The following MYO7A variants were observed in gnomAD, a reference collection of about 807,000 sequenced individuals.
MYO7A encodes the protein myosin VIIA.
A neutral mutation model predicts 263.8 loss-of-function variants in MYO7A; 210 were observed. That is an observed-to-expected ratio of 0.80 (90% CI 0.71 to 0.89). The LOEUF (loss-of-function observed/expected upper bound fraction) is 0.89, where lower values mean the gene tolerates loss of function less well. Ranked by LOEUF, MYO7A falls within the 40% of genes least tolerant of loss-of-function variation. The pLI is 0.00. For synonymous variants in MYO7A, 1,239 were observed against 1,197.3 expected, an observed-to-expected ratio of 1.03 and a Z score of -0.72; for missense variants, 2,820 against 2,968.3, an observed-to-expected ratio of 0.95 and a Z score of 1.16.
intron 4 of MYO7A, among the ~76,000 whole-genome samples, chr11:77,151,921 G>A (rs1332868951): frequency 1.3e-5 from 2 of 152,184 alleles, no homozygotes; most frequent in East Asian, 1.9e-4. Flanking sequence ...TGGGGCTCTG[G>A]TGCCAGGGTG....
intron 2 of MYO7A, among the ~76,000 whole-genome samples, chr11:77,132,932 C>T (rs540476334): frequency 2.0e-5 from 3 of 152,320 alleles, no homozygotes; most frequent in African/African-American, 7.2e-5. Flanking sequence ...CGGGTCGGCT[C>T]CCGGGGCTCG....
At chr11:77,161,188 T>C in intron 12 of MYO7A, 73 bp downstream of exon 12, 1 of 1,579,470 alleles carries the variant, frequency 6.3e-7, no homozygotes, top group Admixed American at 1.7e-5. Context: ...GTCTCTCCCT[T>C]GCGAAGCACA....
chr11:77,155,940 C>G lies in MYO7A; in HGVS notation c.319C>G (p.Pro107Ala). The G allele has an allele frequency of 6.2e-7, 1 of 1,610,538 alleles. No homozygotes were observed. Among genetic ancestry groups the G allele is most frequent in the Non-Finnish European group, 8.5e-7 (1 of 1,178,096 alleles). ...YTGSILVAVN[P>A]YQLLSIYSPE... is the part of the protein sequence containing the mutation. ...GGGCTCCATCCTGGTGGCTGTGAAC[C>G]CCTACCAGCTGCTCTCCATCTACTC... Residue 107 changes from proline to alanine, a missense_variant, in exon 5 of 49, where the codon CCC becomes GCC. By Grantham distance (27) the Pro-to-Ala change is conservative (BLOSUM62 -1). Coordinates refer to ENST00000409709, the MANE Select transcript of MYO7A (RefSeq NM_000260.4).
rs782615895 is a variant in MYO7A, at chr11:77,182,161, C to G, written c.3108+7C>G. On this transcript the variant is annotated splice_region_variant and intron_variant, in intron 24 of 48. Coordinates refer to ENST00000409709, the MANE Select transcript of MYO7A (RefSeq NM_000260.4). ...CGACGAGGGTGACCAGCTGGTAAGG[C>G]CTGCCTGTCACTAGGTCACTGCTGG... 1.9e-6 allele frequency: 3 copies of G among 1,613,048 alleles called. No individual in the cohort carries two copies. Among genetic ancestry groups the G allele is most frequent in the South Asian group, 1.1e-5 (1 of 91,076 alleles).
chr11:77,147,063 C>G (rs568936947), intron 3 of MYO7A, among the ~76,000 whole-genome samples: 1 of 152,148 alleles, frequency 6.6e-6, no homozygotes, highest in African/African-American at 2.4e-5. Flanking sequence ...CTTGCTCCCA[C>G]AGGTCATCAG....
intron 27 of MYO7A, 184 bp downstream of exon 27, chr11:77,184,899 T>A: frequency 9.6e-7 from 1 of 1,044,078 alleles, no homozygotes; most frequent in African/African-American, 1.6e-5. Context: ...TCCTTGTCTG[T>A]AAAGGGGGAA....
chr11:77,192,028 T>C (rs888367325), intron 30 of MYO7A, 23 bp from the exon 31 acceptor site: 1 of 1,598,714 alleles, frequency 6.3e-7, no homozygotes, highest in Non-Finnish European at 8.5e-7. Flanking sequence ...CTGTGCCTGC[T>C]CCCCTCCCCT....
At chr11:77,149,476 G>T (rs1285752625) in intron 4 of MYO7A, among the ~76,000 whole-genome samples, 2 of 152,200 alleles carry the variant, frequency 1.3e-5, no homozygotes, top group Admixed American at 6.5e-5. Flanking sequence ...GGCAGGCAGT[G>T]TCCCTCAGGT....
intron 15 of MYO7A, among the ~76,000 whole-genome samples, chr11:77,167,418 C>G (rs1279335142): frequency 4.6e-5 from 7 of 152,142 alleles, no homozygotes; most frequent in African/African-American, 1.7e-4. Flanking sequence ...GCATTTTCTG[C>G]ATTTTGCAGA....
chr11:77,180,262 T>TCTGCCAAATTATTTGA, intron 21 of MYO7A, 112 bp from the exon 22 acceptor site: 4 of 900,832 alleles, frequency 4.4e-6, no homozygotes, highest in Non-Finnish European at 7.0e-6. Context: ...ACTTGTCCTA[T>TCTGCCAAATTATTTGA]CAAAGTCATG....
At chr11:77,179,356 T>C (rs1381823952) in intron 20 of MYO7A, among the ~76,000 whole-genome samples, 4 of 152,198 alleles carry the variant, frequency 2.6e-5, no homozygotes, top group African/African-American at 9.6e-5. Flanking sequence ...TGGAGTGTTT[T>C]TGGGGGTTGG....
In MYO7A at chr11:77,147,428, C is replaced by T. The variant is rs7106951; in HGVS notation, c.133-370C>T. ...TCTTTCTTTCTTTCTTTCTTTTTTA[C>T]CGGAGCCTGAATTTGAGACCAAGCT... On this transcript the variant is annotated intron_variant, in intron 3 of 48. Transcript: ENST00000409709. Among the ~76,000 whole-genome samples, 953 of 144,568 alleles carry T rather than the reference C, an allele frequency of 6.6e-3. 8 individuals carry two copies. Among genetic ancestry groups the T allele is most frequent in the African/African-American group, 0.023 (913 of 39,394 alleles). 94.8% of individuals were successfully genotyped at this position (144,568 alleles called of 152,430 possible). A position where few individuals can be genotyped will look rare whatever the true frequency, so the allele number is the denominator to read the frequency against.
At chr11:77,189,574 G>T in intron 28 of MYO7A, 104 bp downstream of exon 28, 1 of 1,501,612 alleles carries the variant, frequency 6.7e-7, no homozygotes, top group Non-Finnish European at 9.0e-7. Flanking sequence ...TGGTCACAAG[G>T]CCCACCCGGC....
chr11:77,157,574 T>C (rs1591274297), intron 8 of MYO7A, among the ~76,000 whole-genome samples, 182 bp downstream of exon 8: 1 of 151,910 alleles, frequency 6.6e-6, no homozygotes, highest in Non-Finnish European at 1.5e-5. Context: ...AAGCAAAGGG[T>C]GGGGGACCTT....
chr11:77,208,335 C>T (rs772091197), intron 42 of MYO7A, 95 bp from the exon 43 acceptor site: 26 of 979,338 alleles, frequency 2.7e-5, no homozygotes, highest in Non-Finnish European at 3.5e-5. Flanking sequence ...GGAGTCTTCC[C>T]TGAGAAGGAG....
intron 27 of MYO7A, among the ~76,000 whole-genome samples, chr11:77,185,342 C>A (rs1955579116): frequency 6.6e-6 from 1 of 152,222 alleles, no homozygotes; most frequent in Non-Finnish European, 1.5e-5. Context: ...TGGAGTCGAT[C>A]CTCTCAAACC....
intron 16 of MYO7A, 109 bp from the exon 17 acceptor site, chr11:77,174,647 C>T (rs1046999744): frequency 1.8e-4 from 205 of 1,155,306 alleles, no homozygotes; most frequent in African/African-American, 2.9e-4. Context: ...CCTCCCATGC[C>T]GTGTGGACTT....
rs143053600 is a variant in MYO7A at position 77,208,400 on chromosome 11, C to CTGAGT, written c.5857-29_5857-25dup. On this transcript the variant is annotated intron_variant, in intron 42 of 48. Transcript: ENST00000409709. ...GTCAGAAAATGCAGTGTTGCTTAAA[C>CTGAGT]TGAGTGTGCTTCGATGGCCCTGACC... 0.026 allele frequency: 41,008 copies of CTGAGT among 1,547,502 alleles called. 642 individuals are homozygous for CTGAGT. Among genetic ancestry groups the CTGAGT allele is most frequent in the Middle Eastern group, 0.065 (386 of 5,898 alleles).
intron 9 of MYO7A, 36 bp from the exon 10 acceptor site, chr11:77,159,411 T>TC: frequency 2.2e-6 from 1 of 448,070 alleles, no homozygotes; most frequent in Admixed American, 2.7e-5. Context: ...TTGCCCACCC[T>TC]CCCTCCCCTG....
Sources: allele counts gnomAD v4.1 joint callset (sites outside exome capture counted in the v4.1 genomes callset), GRCh38; gene constraint gnomAD v4.1.1; transcripts MANE v1.5; gene names NCBI Gene and HGNC (gene_info 2026-07-23, HGNC 2026-07-21).